The following PHACTR4 variants were observed in gnomAD, a reference collection of about 807,000 sequenced individuals.
PHACTR4 encodes the protein phosphatase and actin regulator 4.
In PHACTR4, 51 loss-of-function variants were observed where a neutral mutation model predicts 72.7. The observed-to-expected ratio is 0.70, with a 90% CI of 0.56 to 0.89. The LOEUF is 0.89. PHACTR4 is among the 40% of genes least tolerant of loss of function. The pLI is 0.00. For synonymous variants in PHACTR4, 255 were observed against 302.5 expected (o/e 0.84, Z 1.63); for missense variants, 731 against 861.8 (o/e 0.85, Z 1.90).
Position 28,462,521 on chromosome 1 carries a change from C to T in PHACTR4, c.271+2229C>T, listed in dbSNP as rs530668451. Among the ~76,000 whole-genome samples the T allele has an allele frequency of 2.5e-3, 379 of 152,214 alleles. 1 individual carries two copies. Among genetic ancestry groups the T allele is most frequent in the Admixed American group, 7.3e-3 (111 of 15,258 alleles). On this transcript the variant is annotated intron_variant, in intron 4 of 13. Transcript: ENST00000373839. ...TAGCTGGAATTATAGGCATGCATCA[C>T]CACACCCAGCTAATTTTTGTATTTT... is the stretch of plus-strand genomic sequence containing the variant.
chr1:28,459,989 C>A (rs540689680), intron 3 of PHACTR4, among the ~76,000 whole-genome samples: 18 of 152,282 alleles, frequency 1.2e-4, no homozygotes, highest in African/African-American at 4.3e-4. Context: ...TCTTAAGTTA[C>A]AATTATGTAA....
chr1:28,482,691 T>C (rs976879968), intron 9 of PHACTR4, among the ~76,000 whole-genome samples: 1 of 152,076 alleles, frequency 6.6e-6, no homozygotes, highest in Non-Finnish European at 1.5e-5. Flanking sequence ...TCCCAACATT[T>C]TGGGAGGCTC....
chr1:28,466,940 T>C, intron 6 of PHACTR4, 172 bp downstream of exon 6: 1 of 970,444 alleles, frequency 1.0e-6, no homozygotes, highest in Non-Finnish European at 1.5e-6. Context: ...ATAGGCCAGG[T>C]GCGGTGGCTC....
chr1:28,417,036 C>CT (rs373401604), intron 2 of PHACTR4, among the ~76,000 whole-genome samples: 31 of 148,188 alleles, frequency 2.1e-4, no homozygotes, highest in South Asian at 1.3e-3. Context: ...TTCTTTCTTG[C>CT]TTTTTTTTTT....
intron 1 of PHACTR4, among the ~76,000 whole-genome samples, chr1:28,379,816 C>T (rs1315608225): frequency 1.3e-5 from 2 of 149,954 alleles, no homozygotes; most frequent in East Asian, 2.0e-4. Context: ...ATCTCGATCT[C>T]CTGACCTCGT....
intron 1 of PHACTR4, among the ~76,000 whole-genome samples, chr1:28,394,457 T>A (rs1653320207): frequency 6.6e-6 from 1 of 152,138 alleles, no homozygotes; most frequent in East Asian, 1.9e-4. Context: ...AGCTAATTTT[T>A]AAAAAATTGT....
At chr1:28,478,643 A>G (rs915898041) in intron 8 of PHACTR4, among the ~76,000 whole-genome samples, 1 of 151,716 alleles carries the variant, frequency 6.6e-6, no homozygotes, top group African/African-American at 2.4e-5. Flanking sequence ...TTTAGTGGAG[A>G]CAGGGTTTCA....
intron 4 of PHACTR4, among the ~76,000 whole-genome samples, chr1:28,461,447 A>G (rs932779691): frequency 6.6e-6 from 1 of 152,146 alleles, no homozygotes; most frequent in African/African-American, 2.4e-5. Context: ...TCTCAAAAAA[A>G]TTTAAAAAAT....
At chr1:28,369,997 C>A (rs1651100339) in intron 1 of PHACTR4, among the ~76,000 whole-genome samples, 172 bp downstream of exon 1, 1 of 152,154 alleles carries the variant, frequency 6.6e-6, no homozygotes, top group South Asian at 2.1e-4. Context: ...CCGCCGCCTC[C>A]CTCCTCGGCC....
intron 1 of PHACTR4, among the ~76,000 whole-genome samples, chr1:28,390,562 G>A (rs900470685): frequency 6.6e-6 from 1 of 152,034 alleles, no homozygotes; most frequent in African/African-American, 2.4e-5. Flanking sequence ...GGTCGAGGCG[G>A]GTGGATCACC....
At chr1:28,434,527 G>A (rs1196409761) in intron 2 of PHACTR4, among the ~76,000 whole-genome samples, 1 of 151,784 alleles carries the variant, frequency 6.6e-6, no homozygotes, top group Non-Finnish European at 1.5e-5. Flanking sequence ...TCACCATGTT[G>A]GCCAAGATGT....
At chr1:28,418,859 G>A (rs1347643598) in intron 2 of PHACTR4, among the ~76,000 whole-genome samples, 1 of 151,470 alleles carries the variant, frequency 6.6e-6, no homozygotes, top group Non-Finnish European at 1.5e-5. Context: ...GCTGAGACAG[G>A]AGAATTGCTT....
chr1:28,455,198 C>CTTTCTTTTTTTTTTTTTTTTTT (rs1250815977), intron 2 of PHACTR4, among the ~76,000 whole-genome samples: 1 of 85,974 alleles, frequency 1.2e-5, no homozygotes, highest in Non-Finnish European at 2.1e-5. Flanking sequence ...TTCTTTCTTT[C>CTTTCTTTTTTTTTTTTTTTTTT]TTTTTTTTTT....
intron 2 of PHACTR4, among the ~76,000 whole-genome samples, chr1:28,429,189 G>T (rs768545329): frequency 6.6e-6 from 1 of 152,098 alleles, no homozygotes; most frequent in Non-Finnish European, 1.5e-5. Context: ...ACCTTCTGTC[G>T]CTTTCAGCCT....
At chr1:28,391,903 G>A (rs185890862) in intron 1 of PHACTR4, among the ~76,000 whole-genome samples, 116 of 151,756 alleles carry the variant, frequency 7.6e-4, no homozygotes, top group African/African-American at 2.6e-3. Flanking sequence ...CACCACGCCC[G>A]GCCACTAAAA....
chr1:28,451,410 A>G (rs1185358045), intron 2 of PHACTR4, among the ~76,000 whole-genome samples: 1 of 149,620 alleles, frequency 6.7e-6, no homozygotes, highest in African/African-American at 2.5e-5. Flanking sequence ...TTTTAATTTT[A>G]GATACAGGGT....
Position 28,496,724 on chromosome 1 carries a change from G to C in PHACTR4, c.*175G>C, listed in dbSNP as rs946910725. The C allele has an allele frequency of 8.5e-6, 6 of 704,552 alleles. No individual in the cohort carries two copies. The African/African-American group carries it at 8.9e-5, about 10-fold the overall frequency. The allele number at this position is 704,552 out of a possible 1,614,324, so 43.6% of individuals were successfully genotyped here. ...TCACTGGAACAGAGTCTTATGTGCT[G>C]CACCGGGGGCAAAACAACACTTTGT... On this transcript the variant is annotated 3_prime_UTR_variant, in exon 14 of 14. Transcript: ENST00000373839.
chr1:28,438,427 G>A, intron 2 of PHACTR4: 2 of 1,613,116 alleles, frequency 1.2e-6, no homozygotes, highest in South Asian at 1.1e-5. Flanking sequence ...TCCAGATGCA[G>A]TTGGTGAGTA....
intron 1 of PHACTR4, among the ~76,000 whole-genome samples, chr1:28,373,576 C>A (rs1557769803): frequency 1.3e-5 from 2 of 152,106 alleles, no homozygotes; most frequent in Non-Finnish European, 2.9e-5. Context: ...AGGCGTCAGC[C>A]ATCACGCCTG....
Sources: gnomAD v4.1 joint callset for allele counts (sites outside exome capture counted in the v4.1 genomes callset) on GRCh38, gnomAD v4.1.1 for gene constraint, MANE v1.5 for transcripts, NCBI Gene and HGNC (gene_info 2026-07-23, HGNC 2026-07-21) for gene names.